Variants in PHF21B observed in about 807,000 individuals in gnomAD.
The protein encoded by PHF21B is PHD finger protein 21B.
PHF21B carries 22 observed loss-of-function variants against 62.2 expected under a neutral mutation model. That is an observed-to-expected ratio of 0.35 (90% CI 0.25 to 0.51). The LOEUF is 0.51. PHF21B is among the 20% of genes least tolerant of loss of function. The pLI is 0.97. For missense variants in PHF21B, 701 were observed against 707.9 expected (o/e 0.99, Z 0.11); for synonymous variants, 341 against 314.7 (o/e 1.08, Z -0.88).
intron 2 of PHF21B, among the ~76,000 whole-genome samples, chr22:44,962,768 G>A (rs887361609): frequency 2.0e-5 from 3 of 152,134 alleles, no homozygotes; most frequent in Non-Finnish European, 4.4e-5. Context: ...CTGCCTGCAG[G>A]TGCCTCACGG....
At chr22:44,950,674 C>T (rs1313028230) in intron 2 of PHF21B, among the ~76,000 whole-genome samples, 1 of 152,146 alleles carries the variant, frequency 6.6e-6, no homozygotes, top group Non-Finnish European at 1.5e-5. Context: ...TACGGCTTCA[C>T]TGGATAGCCA....
chr22:44,901,582 A>G, intron 5 of PHF21B: 1 of 293,706 alleles, frequency 3.4e-6, no homozygotes, highest in Non-Finnish European at 6.3e-6. Flanking sequence ...TCTCTTTCCC[A>G]TCTTGCAAGA....
At chr22:44,938,123 G>A (rs923885996) in intron 2 of PHF21B, among the ~76,000 whole-genome samples, 2 of 152,246 alleles carry the variant, frequency 1.3e-5, no homozygotes, top group Admixed American at 1.3e-4. Context: ...CACCCAGGAT[G>A]GAGTGTAGTA....
chr22:44,915,784 C>T (rs727253), intron 4 of PHF21B, among the ~76,000 whole-genome samples: 37,776 of 152,084 alleles, frequency 0.25, 5,279 homozygotes, highest in East Asian at 0.61. Flanking sequence ...ACCAGGAGCT[C>T]GGAGGGGAGC....
intron 2 of PHF21B, among the ~76,000 whole-genome samples, chr22:44,962,122 A>G (rs980688256): frequency 6.6e-6 from 1 of 152,194 alleles, no homozygotes; most frequent in African/African-American, 2.4e-5. Context: ...TTTCCAATAT[A>G]TACCCAGTTA....
intron 2 of PHF21B, among the ~76,000 whole-genome samples, chr22:44,994,046 G>C (rs2073081597): frequency 6.6e-6 from 1 of 152,176 alleles, no homozygotes; most frequent in Non-Finnish European, 1.5e-5. Flanking sequence ...TCAGCTTCTG[G>C]CTGTGAGAGA....
chr22:44,959,963 G>T (rs58949305), intron 2 of PHF21B, among the ~76,000 whole-genome samples: 1 of 152,296 alleles, frequency 6.6e-6, no homozygotes, highest in East Asian at 1.9e-4. Flanking sequence ...TCCAGGAAGC[G>T]CTCTGAGCAG....
At chr22:44,985,719 T>C (rs2072933305) in intron 2 of PHF21B, among the ~76,000 whole-genome samples, 1 of 152,090 alleles carries the variant, frequency 6.6e-6, no homozygotes, top group Non-Finnish European at 1.5e-5. Flanking sequence ...CAAAGCAACA[T>C]GGAAAACACT....
Position 44,916,555 on chromosome 22 carries a change from T to C in PHF21B, c.289A>G (p.Thr97Ala), listed in dbSNP as rs371737547. 529 of 1,608,792 alleles carry C rather than the reference T, an allele frequency of 3.3e-4. 3 individuals carry two copies. In the South Asian group the frequency reaches 5.1e-3, roughly 16 times the overall value. Reference sequence around the variant, plus strand: ...CTGACCACGGTGGCCTTCTGGAATGTTGGGGGCTGCTTGGGTGGCCGGTCC... The same window carrying C: ...CTGACCACGGTGGCCTTCTGGAATGCTGGGGGCTGCTTGGGTGGCCGGTCC... ...GRDRPPKQPP[T>A]FQKATVVSVK... Residue 97 changes from threonine to alanine, a missense_variant, in exon 4 of 13, where the codon ACA becomes GCA. Thr to Ala is a moderately conservative substitution (Grantham distance 58, BLOSUM62 0). Coordinates refer to ENST00000313237, the MANE Select transcript of PHF21B (RefSeq NM_138415.5).
chr22:44,986,643 G>A (rs1188039448), intron 2 of PHF21B, among the ~76,000 whole-genome samples: 2 of 151,724 alleles, frequency 1.3e-5, no homozygotes, highest in Admixed American at 6.6e-5. Flanking sequence ...TGAGACTGAA[G>A]AAAGGATTTG....
intron 3 of PHF21B, among the ~76,000 whole-genome samples, chr22:44,919,041 A>G (rs2071488716): frequency 6.6e-6 from 1 of 151,770 alleles, no homozygotes; most frequent in African/African-American, 2.4e-5. Flanking sequence ...CTCACCCTGC[A>G]CCCTCCTCCT....
chr22:44,923,436 T>C (rs956269428), intron 2 of PHF21B, among the ~76,000 whole-genome samples: 3 of 151,572 alleles, frequency 2.0e-5, no homozygotes, highest in Admixed American at 6.6e-5. Flanking sequence ...ACAGAAATCT[T>C]TGGGATGTTA....
intron 2 of PHF21B, among the ~76,000 whole-genome samples, chr22:44,975,785 G>T (rs539260753): frequency 3.9e-4 from 59 of 152,352 alleles, no homozygotes; most frequent in African/African-American, 1.4e-3. Context: ...CTCCCACCCA[G>T]GGCTCCACTT....
Position 44,913,999 on chromosome 22 carries a change from TGGGGAGGGAGGGGTGA to T in PHF21B, c.638_653del (p.Leu213HisfsTer66). 1 of 416,810 alleles carries T rather than the reference TGGGGAGGGAGGGGTGA, an allele frequency of 2.4e-6. No homozygotes were observed. Among genetic ancestry groups the T allele is most frequent in the Non-Finnish European group, 3.6e-6 (1 of 274,520 alleles). The allele number at this position is 416,810 out of a possible 1,614,324, so 25.8% of individuals were successfully genotyped here. Reference sequence around the variant, plus strand: ...CATGGAGGGGTGAAGGGGACAGTGATGGGGAGGGAGGGGTGAGGGGAAGAGAGGAGGGGTGGAGGGG... The same window carrying T: ...CATGGAGGGGTGAAGGGGACAGTGATGGGGAAGAGAGGAGGGGTGGAGGGG... On this transcript the variant is annotated frameshift_variant, in exon 5 of 13. Transcript: ENST00000313237. LOFTEE classifies it high-confidence loss of function.
intron 5 of PHF21B, among the ~76,000 whole-genome samples, chr22:44,912,635 C>G (rs562255831): frequency 1.8e-4 from 28 of 152,252 alleles, no homozygotes; most frequent in Non-Finnish European, 4.0e-4. Context: ...TCCATTAAAC[C>G]TCTTTCCTTT....
At chr22:44,936,730 GT>G (rs1215390639) in intron 2 of PHF21B, among the ~76,000 whole-genome samples, 1 of 152,084 alleles carries the variant, frequency 6.6e-6, no homozygotes, top group Non-Finnish European at 1.5e-5. Flanking sequence ...AATTTCACTT[GT>G]TTCTTTTTAC....
At position 44,916,439 on chromosome 22, in the gene PHF21B, C is replaced by T. The variant is rs1283243675; in HGVS notation, c.405G>A (p.Glu135=). ...TCAGCGGAGAGGCGAGGGCGGCGGG[C>T]TCGGCGAGGGCCTGGGGCTGGCTGC... ...APGSQPQALA[E]PAALASPLSS... The change falls in exon 4 of 13, where the codon GAG becomes GAA. Residue 135 remains glutamate (E), a synonymous_variant. Transcript: ENST00000313237. 1.9e-6 allele frequency: 3 copies of T among 1,598,090 alleles called. No homozygotes were observed. The highest frequency in any genetic ancestry group is 1.3e-5 in the African/African-American group (1 of 74,754).
chr22:44,913,753 T>C, intron 5 of PHF21B, 69 bp downstream of exon 5: 6 of 1,539,194 alleles, frequency 3.9e-6, no homozygotes, highest in East Asian at 4.5e-5. Context: ...ATCCCCGCTA[T>C]ACACAGCGGC....
chr22:44,897,763 C>T (rs1025287844), intron 5 of PHF21B, among the ~76,000 whole-genome samples: 6 of 152,166 alleles, frequency 3.9e-5, no homozygotes, highest in Non-Finnish European at 5.9e-5. Flanking sequence ...GAACCAACGT[C>T]GGTACATTAT....
Sources: allele counts gnomAD v4.1 joint callset (sites outside exome capture counted in the v4.1 genomes callset), GRCh38; gene constraint gnomAD v4.1.1; transcripts MANE v1.5; gene names NCBI Gene and HGNC (gene_info 2026-07-23, HGNC 2026-07-21).